Variants in PTPN13 observed in about 807,000 individuals in gnomAD.
PTPN13 encodes the protein tyrosine-protein phosphatase non-receptor type 13.
In PTPN13, 191 loss-of-function variants were observed where a neutral mutation model predicts 284.0. The ratio of observed to expected loss-of-function variants is 0.67; its 90% confidence interval spans 0.60 to 0.76. PTPN13 has a LOEUF of 0.76. Ranked by LOEUF, PTPN13 falls within the 30% of genes least tolerant of loss-of-function variation. The pLI is 0.00. For synonymous variants in PTPN13, 986 were observed against 1,022.3 expected (o/e 0.96, Z 0.68); for missense variants, 2,797 against 2,939.9 (o/e 0.95, Z 1.12).
intron 7 of PTPN13, among the ~76,000 whole-genome samples, chr4:86,705,711 T>A (rs1731687825): frequency 6.6e-6 from 1 of 152,136 alleles, no homozygotes; most frequent in South Asian, 2.1e-4. Flanking sequence ...AAAGATTTAA[T>A]AACATACCTA....
intron 1 of PTPN13, among the ~76,000 whole-genome samples, chr4:86,622,534 C>A (rs1418207481): frequency 6.6e-6 from 1 of 152,070 alleles, no homozygotes; most frequent in African/African-American, 2.4e-5. Context: ...AAAAATATAA[C>A]CAATAACGAA....
chr4:86,660,326 A>T (rs1298942168), intron 2 of PTPN13, among the ~76,000 whole-genome samples: 2 of 152,170 alleles, frequency 1.3e-5, no homozygotes, highest in African/African-American at 2.4e-5. Context: ...GTAGAAACAA[A>T]GGAGAATAAG....
chr4:86,613,849 A>G (rs1720232660), intron 1 of PTPN13, among the ~76,000 whole-genome samples: 1 of 152,136 alleles, frequency 6.6e-6, no homozygotes, highest in African/African-American at 2.4e-5. Flanking sequence ...CTGTCTCAGT[A>G]CCATTAGCTA....
At chr4:86,736,067 G>C (rs1380231887) in intron 15 of PTPN13, among the ~76,000 whole-genome samples, 2 of 152,108 alleles carry the variant, frequency 1.3e-5, no homozygotes, top group African/African-American at 4.8e-5. Context: ...AATGAATTTG[G>C]TGAATGGCTT....
At chr4:86,779,029 G>A (rs1243636355) in intron 35 of PTPN13, among the ~76,000 whole-genome samples, 1 of 149,168 alleles carries the variant, frequency 6.7e-6, no homozygotes, top group African/African-American at 2.5e-5. Flanking sequence ...AACCTATATG[G>A]CCTTCTTTTG....
chr4:86,745,594 G>A lies in PTPN13; in HGVS notation c.2650+466G>A, dbSNP rs1736653637. Among the ~76,000 whole-genome samples, 7 of 152,072 alleles carry A rather than the reference G, an allele frequency of 4.6e-5. No homozygotes were observed. The South Asian group carries it at 1.5e-3, about 32-fold the overall frequency. ...GTTTGAGAACAGCCTGGCAAACATG[G>A]TGAAACCCTGTCTCTACTAAAAATA... On this transcript the variant is annotated intron_variant, in intron 17 of 47. Coordinates refer to ENST00000411767, the MANE Select transcript of PTPN13 (RefSeq NM_080683.3).
intron 6 of PTPN13, among the ~76,000 whole-genome samples, chr4:86,695,926 C>T (rs1730547939): frequency 6.6e-6 from 1 of 151,902 alleles, no homozygotes; most frequent in Non-Finnish European, 1.5e-5. Flanking sequence ...ATATGACTTC[C>T]ATCCTATCTC....
chr4:86,769,233 T>C (rs918459760), intron 28 of PTPN13, among the ~76,000 whole-genome samples: 2 of 152,202 alleles, frequency 1.3e-5, no homozygotes, highest in Admixed American at 1.3e-4. Context: ...ACATTTATTT[T>C]GTTCTTCTTT....
chr4:86,712,755 T>C (rs1456481451), intron 7 of PTPN13, among the ~76,000 whole-genome samples: 1 of 152,098 alleles, frequency 6.6e-6, no homozygotes, highest in African/African-American at 2.4e-5. Context: ...AGACCAATAG[T>C]TCATGAAGAG....
chr4:86,689,195 G>A lies in PTPN13; in HGVS notation c.546+5G>A, dbSNP rs777371670. 1.2e-6 allele frequency: 2 copies of A among 1,607,764 alleles called. No homozygotes were observed. Among genetic ancestry groups the A allele is most frequent in the Non-Finnish European group, 1.7e-6 (2 of 1,174,558 alleles). ...GTTCTGGGAAATCTTTCTGGGGTAAGCTACAGTTACAATAGTAAATATAGT... is the reference window on the plus strand; with the variant it reads ...GTTCTGGGAAATCTTTCTGGGGTAAACTACAGTTACAATAGTAAATATAGT... On this transcript the variant is annotated splice_donor_5th_base_variant and intron_variant, in intron 5 of 47. Coordinates refer to ENST00000411767, the MANE Select transcript of PTPN13 (RefSeq NM_080683.3).
chr4:86,674,883 A>G (rs1012246424), intron 3 of PTPN13, among the ~76,000 whole-genome samples: 5 of 152,200 alleles, frequency 3.3e-5, no homozygotes, highest in South Asian at 2.1e-4. Flanking sequence ...CATTCTGTAC[A>G]TTGTACGATT....
At chr4:86,604,263 T>C (rs1319919960) in intron 1 of PTPN13, among the ~76,000 whole-genome samples, 1 of 152,046 alleles carries the variant, frequency 6.6e-6, no homozygotes, top group Non-Finnish European at 1.5e-5. Context: ...TAATAATATA[T>C]ATCTCAAAAG....
intron 2 of PTPN13, among the ~76,000 whole-genome samples, chr4:86,639,225 G>A (rs1195752691): frequency 2.0e-5 from 3 of 151,734 alleles, no homozygotes; most frequent in Non-Finnish European, 2.9e-5. Context: ...TTACACTGTT[G>A]GTGGGACTGT....
chr4:86,779,165 A>T (rs1359779408), intron 35 of PTPN13, among the ~76,000 whole-genome samples: 1 of 152,022 alleles, frequency 6.6e-6, no homozygotes, highest in Non-Finnish European at 1.5e-5. Flanking sequence ...GCACTAAAGG[A>T]TGAACATGTA....
intron 7 of PTPN13, among the ~76,000 whole-genome samples, chr4:86,714,002 T>C (rs1299053831): frequency 1.3e-5 from 2 of 151,854 alleles, no homozygotes; most frequent in African/African-American, 4.8e-5. Flanking sequence ...CTTGATTCTC[T>C]ACTGCCGTGC....
chr4:86,766,602 T>TAA, intron 27 of PTPN13, 85 bp downstream of exon 27: 1 of 951,546 alleles, frequency 1.1e-6, no homozygotes, highest in Non-Finnish European at 1.5e-6. Flanking sequence ...TTGAGATCTC[T>TAA]AAATTTGTCA....
intron 10 of PTPN13, among the ~76,000 whole-genome samples, chr4:86,727,452 T>G (rs1734412582): frequency 6.7e-6 from 1 of 149,568 alleles, no homozygotes; most frequent in Non-Finnish European, 1.5e-5. Flanking sequence ...TTGGACTTTT[T>G]TTGGTTGGTA....
chr4:86,730,127 C>T (rs1025203143), intron 10 of PTPN13, among the ~76,000 whole-genome samples: 2 of 149,616 alleles, frequency 1.3e-5, no homozygotes, highest in African/African-American at 4.9e-5. Flanking sequence ...CCACTCCAGA[C>T]CCTGTTTGCC....
chr4:86,609,385 G>C (rs1053105601), intron 1 of PTPN13, among the ~76,000 whole-genome samples: 2 of 152,074 alleles, frequency 1.3e-5, no homozygotes, highest in African/African-American at 2.4e-5. Flanking sequence ...AATGTACAAA[G>C]ATTGAAAAGT....
Sources: gnomAD v4.1 joint callset for allele counts (sites outside exome capture counted in the v4.1 genomes callset) on GRCh38, gnomAD v4.1.1 for gene constraint, MANE v1.5 for transcripts, NCBI Gene and HGNC (gene_info 2026-07-23, HGNC 2026-07-21) for gene names.